The following IGFBP1 variants were observed in gnomAD, a reference collection of about 807,000 sequenced individuals.
IGFBP1 encodes the protein insulin-like growth factor-binding protein 1.
In IGFBP1, 31 loss-of-function variants were observed where a neutral mutation model predicts 23.1. The ratio of observed to expected loss-of-function variants is 1.34; its 90% CI spans 1.01 to 1.81. The LOEUF is 1.81. Among genes scored for constraint, IGFBP1 ranks in the 40% most tolerant of loss-of-function variants. The probability of loss-of-function intolerance (pLI) is 0.00; values close to 1 mark genes in which losing one functional copy is unlikely to be tolerated. For missense variants in IGFBP1, 333 were observed against 342.2 expected (o/e 0.97, Z 0.21); for synonymous variants, 148 against 145.5 (o/e 1.02, Z -0.13).
intron 2 of IGFBP1, among the ~76,000 whole-genome samples, chr7:45,891,708 G>A (rs1443768935): frequency 6.6e-6 from 1 of 152,118 alleles, no homozygotes; most frequent in Non-Finnish European, 1.5e-5. Context: ...TGGTGAGGGA[G>A]AGAATGGTGT....
rs1583660801 is a variant in IGFBP1 at position 45,890,719 on chromosome 7, T to G, written c.519+2T>G. 6.3e-7 allele frequency: 1 copy of G among 1,597,138 alleles called. No homozygotes were observed. Among genetic ancestry groups the G allele is most frequent in the Non-Finnish European group, 8.5e-7 (1 of 1,172,052 alleles). ...GTCACCAACATCAAAAAATGGAAGG[T>G]GAGGCCCAGCAGGTGGGTGGTGGGA... On this transcript the variant is annotated splice_donor_variant, in intron 2 of 3. Coordinates refer to ENST00000275525, the MANE Select transcript of IGFBP1 (RefSeq NM_000596.4). LOFTEE classifies it high-confidence loss of function.
chr7:45,890,188 C>A (rs1303416811), intron 1 of IGFBP1, among the ~76,000 whole-genome samples: 1 of 152,100 alleles, frequency 6.6e-6, no homozygotes, highest in Non-Finnish European at 1.5e-5. Flanking sequence ...TTCGAGGCTC[C>A]CTACTAATGC....
intron 3 of IGFBP1, 132 bp from the exon 4 acceptor site, chr7:45,892,828 G>C: frequency 1.3e-6 from 1 of 747,222 alleles, no homozygotes; most frequent in Non-Finnish European, 2.2e-6. Context: ...ATCATGGGCA[G>C]CTGGTTTCAC....
chr7:45,892,872 G>A (rs940893036), intron 3 of IGFBP1, 88 bp from the exon 4 acceptor site: 51 of 1,336,192 alleles, frequency 3.8e-5, no homozygotes, highest in Non-Finnish European at 4.9e-5. Context: ...TGCAGTGCTC[G>A]GCTGCACTGA....
rs145390671 is a variant in IGFBP1 at position 45,891,000 on chromosome 7, T to C, written c.519+283T>C. 2.4e-3 allele frequency among the ~76,000 whole-genome samples: 364 copies of C among 152,340 alleles called. 1 individual carries two copies. Among genetic ancestry groups the C allele is most frequent in the Non-Finnish European group, 3.9e-3 (262 of 68,026 alleles). On this transcript the variant is annotated intron_variant, in intron 2 of 3. Transcript: ENST00000275525. ...TCTAAAGGGTGTGAGAACATTGAGT[T>C]ACATTGTTCCAAAACTTAGTACAAG... is the stretch of plus-strand genomic sequence containing the variant.
At chr7:45,892,554 T>C (rs1583661652) in intron 3 of IGFBP1, among the ~76,000 whole-genome samples, 1 of 152,098 alleles carries the variant, frequency 6.6e-6, no homozygotes, top group Admixed American at 6.6e-5. Context: ...TATTGAGGAG[T>C]GCTTTAGGTC....
intron 1 of IGFBP1, 33 bp from the exon 2 acceptor site, chr7:45,890,515 G>A (rs761223658): frequency 6.4e-7 from 1 of 1,562,708 alleles, no homozygotes; most frequent in Non-Finnish European, 8.6e-7. Context: ...TGCTTTGGGA[G>A]GGCTCATGGG....
intron 3 of IGFBP1, 34 bp from the exon 4 acceptor site, chr7:45,892,926 T>C: frequency 1.9e-6 from 3 of 1,600,880 alleles, no homozygotes; most frequent in Non-Finnish European, 2.6e-6. Context: ...CAGCTTGTCA[T>C]CTGCTGCTCT....
Position 45,893,239 on chromosome 7 carries a change from C to T in IGFBP1, c.*148C>T. 1 of 322,016 alleles carries T rather than the reference C, an allele frequency of 3.1e-6. No homozygotes were observed. The highest frequency in any genetic ancestry group is 5.2e-6 in the Non-Finnish European group (1 of 192,678). The allele number at this position is 322,016 out of a possible 1,614,324, so 19.9% of individuals were successfully genotyped here. Reference sequence around the variant, plus strand: ...TCCATACATAACTTGATATAGAAAGCTGTTTATTTATTCACTGTAAGTTTA... The same window carrying T: ...TCCATACATAACTTGATATAGAAAGTTGTTTATTTATTCACTGTAAGTTTA... On this transcript the variant is annotated 3_prime_UTR_variant, in exon 4 of 4. Transcript: ENST00000275525.
Position 45,892,046 on chromosome 7 carries a change from T to C in IGFBP1, c.634T>C (p.Tyr212His), listed in dbSNP as rs747950009. Reference sequence around the variant, plus strand: ...GCCAAACTGCAACAAGAATGGATTTTATCACAGCAGACAGGTAGGTGGCCT... The same window carrying C: ...GCCAAACTGCAACAAGAATGGATTTCATCACAGCAGACAGGTAGGTGGCCT... ...YLPNCNKNGF[Y>H]HSRQCETSMD... is the part of the protein sequence containing the mutation. The change falls in exon 3 of 4, where the codon TAT (tyrosine) becomes CAT (histidine). Residue 212 changes from tyrosine to histidine, a missense_variant. Transcript: ENST00000275525. 2.5e-6 allele frequency: 4 copies of C among 1,614,240 alleles called. No homozygotes were observed. The highest frequency in any genetic ancestry group is 3.3e-5 in the Admixed American group (2 of 60,028).
chr7:45,892,037 A>G lies in IGFBP1; in HGVS notation c.625A>G (p.Asn209Asp), dbSNP rs1244148125. Residue 209 changes from asparagine (N) to aspartate (D), a missense_variant, in exon 3 of 4, where the codon AAT becomes GAT. Physicochemically the swap from Asn to Asp is conservative, Grantham distance 23. Coordinates refer to ENST00000275525, the MANE Select transcript of IGFBP1 (RefSeq NM_000596.4). The stretch of plus-strand genomic sequence containing the variant: ...ATTTTACCTGCCAAACTGCAACAAG[A>G]ATGGATTTTATCACAGCAGACAGGT... ...SKFYLPNCNK[N>D]GFYHSRQCET... 1 of 1,614,198 alleles carries G rather than the reference A, an allele frequency of 6.2e-7. No individual in the cohort carries two copies. The highest frequency in any genetic ancestry group is 1.1e-5 in the South Asian group (1 of 91,082).
chr7:45,888,713 G>A lies in IGFBP1; in HGVS notation c.61G>A (p.Gly21Ser), dbSNP rs1334797638. 1 of 1,596,998 alleles carries A rather than the reference G, an allele frequency of 6.3e-7. No individual in the cohort carries two copies. The highest frequency in any genetic ancestry group is 1.7e-5 in the Admixed American group (1 of 59,954). Residue 21 changes from glycine to serine, a missense_variant, in exon 1 of 4, where the codon GGC (glycine) becomes AGC (serine). By Grantham distance (56) the Gly-to-Ser change is moderately conservative. Transcript: ENST00000275525. ...LVLLLLTVQV[G>S]VTAGAPWQCA... The stretch of plus-strand genomic sequence containing the variant: ...ACTGCTCCTGCTGACTGTCCAGGTC[G>A]GCGTGACAGCCGGCGCTCCGTGGCA...
At chr7:45,890,464 G>A in intron 1 of IGFBP1, 84 bp from the exon 2 acceptor site, 1 of 1,441,220 alleles carries the variant, frequency 6.9e-7, no homozygotes, top group South Asian at 1.4e-5. Context: ...GCCTGGTTTT[G>A]AGGGAAGGAA....
intron 3 of IGFBP1, 135 bp from the exon 4 acceptor site, chr7:45,892,825 G>A (rs1787099765): frequency 1.4e-6 from 1 of 719,618 alleles, no homozygotes; most frequent in Non-Finnish European, 2.3e-6. Context: ...TGCATCATGG[G>A]CAGCTGGTTT....
chr7:45,890,051 C>G (rs888632986), intron 1 of IGFBP1, among the ~76,000 whole-genome samples: 1 of 152,082 alleles, frequency 6.6e-6, no homozygotes, highest in South Asian at 2.1e-4. Flanking sequence ...GGCAGGGGCC[C>G]CAAAATAGAA....
In IGFBP1 at chr7:45,888,770, C is replaced by T. The variant is rs775339662; in HGVS notation, c.118C>T (p.Leu40Phe). ...GCCCTGCTCCGCCGAGAAGCTCGCG[C>T]TCTGCCCGCCGGTGTCCGCCTCGTG... ...CAPCSAEKLA[L>F]CPPVSASCSE... The change falls in exon 1 of 4, where the codon CTC (leucine) becomes TTC (phenylalanine). Residue 40 changes from leucine to phenylalanine, a missense_variant. By Grantham distance (22) the Leu-to-Phe change is conservative. Coordinates refer to ENST00000275525, the MANE Select transcript of IGFBP1 (RefSeq NM_000596.4). 8.3e-6 allele frequency: 13 copies of T among 1,565,100 alleles called. No individual in the cohort carries two copies. Among genetic ancestry groups the T allele is most frequent in the Non-Finnish European group, 1.1e-5 (13 of 1,162,602 alleles).
In IGFBP1 at chr7:45,893,073, T is replaced by C. The variant is rs145712942; in HGVS notation, c.762T>C (p.Tyr254=). 1.2e-6 allele frequency: 2 copies of C among 1,610,458 alleles called. No individual in the cohort carries two copies. Among genetic ancestry groups the C allele is most frequent in the Non-Finnish European group, 1.7e-6 (2 of 1,176,834 alleles). ...EIRGDPNCQI[Y]FNVQN ...GGGGAGACCCCAACTGCCAGATATA[T>C]TTTAATGTACAAAACTGAAACCAGA... The change falls in exon 4 of 4, where the codon TAT becomes TAC. Residue 254 remains tyrosine (Y), a synonymous_variant. Transcript: ENST00000275525.
rs1361575407 is a variant in IGFBP1, at chr7:45,888,934, G to A, written c.282G>A (p.Leu94=). The A allele has an allele frequency of 3.3e-6, 5 of 1,522,912 alleles. No individual in the cohort carries two copies. Among genetic ancestry groups the A allele is most frequent in the Admixed American group, 2.0e-5 (1 of 50,064 alleles). 94.3% of individuals were successfully genotyped at this position (1,522,912 alleles called of 1,614,324 possible). A position where few individuals can be genotyped will look rare whatever the true frequency, so the allele number is the denominator to read the frequency against. ...CGCTGCCGGGGGAGCAGCAACCTCT[G>A]CACGCCCTCACCCGCGGCCAAGGCG... ...CRALPGEQQP[L]HALTRGQGAC... is the part of the protein sequence containing the mutation. Residue 94 remains leucine, a synonymous_variant, in exon 1 of 4, where the codon CTG becomes CTA. Transcript: ENST00000275525.
intron 1 of IGFBP1, among the ~76,000 whole-genome samples, chr7:45,889,208 C>A (rs563786695): frequency 5.3e-5 from 8 of 152,354 alleles, no homozygotes; most frequent in African/African-American, 1.7e-4. Context: ...GCAGGACGTG[C>A]TCTGGGAGAA....
Sources: allele counts gnomAD v4.1 joint callset (sites outside exome capture counted in the v4.1 genomes callset), GRCh38; gene constraint gnomAD v4.1.1; transcripts MANE v1.5; gene names NCBI Gene and HGNC (gene_info 2026-07-23, HGNC 2026-07-21).